The following ZNF407 variants were observed in gnomAD, a reference collection of about 807,000 sequenced individuals.
ZNF407 encodes zinc finger protein 407.
A neutral mutation model predicts 131.2 loss-of-function variants in ZNF407; 17 were observed. The observed-to-expected ratio is 0.13, with a 90% confidence interval of 0.09 to 0.19. The LOEUF is 0.19. Among genes scored for constraint, ZNF407 ranks in the 10% least tolerant of loss-of-function variants. The pLI is 1.00. For missense variants in ZNF407, 2,681 were observed against 2,830.6 expected (o/e 0.95, Z 1.20); for synonymous variants, 1,156 against 1,062.0 (o/e 1.09, Z -1.72).
intron 4 of ZNF407, among the ~76,000 whole-genome samples, chr18:74,830,055 C>G (rs1970461530): frequency 6.6e-6 from 1 of 152,074 alleles, no homozygotes; most frequent in South Asian, 2.1e-4. Flanking sequence ...GGAATGAGAA[C>G]AGAGAAAAGA....
chr18:75,013,935 G>T (rs1056242838), intron 8 of ZNF407, among the ~76,000 whole-genome samples: 3 of 152,042 alleles, frequency 2.0e-5, no homozygotes, highest in Admixed American at 2.0e-4. Flanking sequence ...CGCTTGAGTT[G>T]TGAGGAAATT....
intron 8 of ZNF407, among the ~76,000 whole-genome samples, chr18:74,938,351 A>G (rs1156325906): frequency 6.6e-6 from 1 of 152,180 alleles, no homozygotes; most frequent in African/African-American, 2.4e-5. Flanking sequence ...GACTTTCTGT[A>G]TCTGCTGCCT....
chr18:74,995,118 T>C (rs778401233), intron 8 of ZNF407, among the ~76,000 whole-genome samples: 6 of 152,212 alleles, frequency 3.9e-5, no homozygotes, highest in African/African-American at 1.2e-4. Flanking sequence ...ATGTTGCTAA[T>C]TGAATATTTA....
At chr18:74,600,144 ATGATTCT>A in intron 1 of ZNF407, among the ~76,000 whole-genome samples, 1 of 152,362 alleles carries the variant, frequency 6.6e-6, no homozygotes, top group East Asian at 1.9e-4. Flanking sequence ...AGTGCCATTC[ATGATTCT>A]TGGTTGTCAA....
chr18:75,029,565 C>CGGAGTGTGT (rs1648411468), intron 8 of ZNF407, among the ~76,000 whole-genome samples: 3 of 145,392 alleles, frequency 2.1e-5, no homozygotes, highest in African/African-American at 7.9e-5. Context: ...TCATTCAGGG[C>CGGAGTGTGT]GGAGTGTGTG....
chr18:74,935,856 C>G (rs1453662773), intron 8 of ZNF407, among the ~76,000 whole-genome samples: 1 of 152,156 alleles, frequency 6.6e-6, no homozygotes, highest in African/African-American at 2.4e-5. Flanking sequence ...TTAGAAGAGG[C>G]TGAATAATAC....
chr18:74,941,009 G>A (rs2930547), intron 8 of ZNF407, among the ~76,000 whole-genome samples: 7,177 of 152,130 alleles, frequency 0.047, 577 homozygotes, highest in African/African-American at 0.16. Context: ...TTAGCTCGGG[G>A]TGACCTAACA....
chr18:74,798,212 A>ACACG (rs1369694734), intron 4 of ZNF407, among the ~76,000 whole-genome samples: 1 of 150,476 alleles, frequency 6.6e-6, no homozygotes, highest in African/African-American at 2.5e-5. Context: ...TTACACAAAC[A>ACACG]CACACACACA....
At position 74,990,245 on chromosome 18, in the gene ZNF407, G is replaced by A. The variant is rs116890497; in HGVS notation, c.5428+69553G>A. 8.2e-3 allele frequency among the ~76,000 whole-genome samples: 1,243 copies of A among 152,208 alleles called. 7 individuals carry two copies. The highest frequency in any genetic ancestry group is 0.014 in the Non-Finnish European group (923 of 68,014). ...GCAGATGTCAATTAGTTCCTTCTGCGAATCTGATACCCATCAACAAATGGA... is the reference window on the plus strand; with the variant it reads ...GCAGATGTCAATTAGTTCCTTCTGCAAATCTGATACCCATCAACAAATGGA... On this transcript the variant is annotated intron_variant, in intron 8 of 8. Coordinates refer to ENST00000299687, the MANE Select transcript of ZNF407 (RefSeq NM_017757.3).
rs765176911 is a variant in ZNF407, at chr18:74,634,800, G to A, written c.3781G>A (p.Glu1261Lys). Residue 1261 changes from glutamate (E) to lysine (K), a missense_variant, in exon 2 of 9, where the codon GAA becomes AAA. Physicochemically the swap from Glu to Lys is moderately conservative, Grantham distance 56 (BLOSUM62 1). Transcript: ENST00000299687. ...GACGCTCGATGGGGAGCGCTCGGCT[G>A]AAAGCCCTGTGCTCGTTGTGACAAG... ...PVTLDGERSA[E>K]SPVLVVTRIT... 3 of 1,614,002 alleles carry A rather than the reference G, an allele frequency of 1.9e-6. No individual in the cohort carries two copies. The highest frequency in any genetic ancestry group is 2.5e-6 in the Non-Finnish European group (3 of 1,179,892).
In ZNF407 at chr18:74,792,204, T is replaced by G. The variant is rs1251122252; in HGVS notation, c.4877+10702T>G. On this transcript the variant is annotated intron_variant, in intron 4 of 8. Coordinates refer to ENST00000299687, the MANE Select transcript of ZNF407 (RefSeq NM_017757.3). ...AGATACTAATTTTTTAAAAAAACAT[T>G]CAAGAGCTTTTTAGTTGTGAAGGTC... 2.6e-5 allele frequency among the ~76,000 whole-genome samples: 4 copies of G among 152,084 alleles called. No individual in the cohort carries two copies. In the South Asian group the frequency reaches 6.2e-4, roughly 24 times the overall value.
rs1377699188 is a variant in ZNF407, at chr18:74,703,671, C to A, written c.4802+62549C>A. ...GTGAGCCACCGTGCCCAGCCTAGAT[C>A]TCTTTTATGGGCTATGAGATTGATT... On this transcript the variant is annotated intron_variant, in intron 3 of 8. Transcript: ENST00000299687. This position sits in a 1 kb window ranked among gnomAD's most constrained non-coding sequence, Gnocchi z 4.1. Among the ~76,000 whole-genome samples the A allele has an allele frequency of 1.3e-5, 2 of 151,982 alleles. No homozygotes were observed. The highest frequency in any genetic ancestry group is 2.4e-5 in the African/African-American group (1 of 41,388).
chr18:74,748,455 C>T (rs1014746145), intron 3 of ZNF407, among the ~76,000 whole-genome samples: 4 of 152,022 alleles, frequency 2.6e-5, no homozygotes, highest in African/African-American at 9.7e-5. Context: ...TTAAAATTAG[C>T]TGACATATCA....
intron 7 of ZNF407, among the ~76,000 whole-genome samples, chr18:74,913,410 A>G (rs548130482): frequency 2.0e-5 from 3 of 152,196 alleles, no homozygotes; most frequent in South Asian, 2.1e-4. Context: ...GAGTAGAGAC[A>G]TGTAGGGGAG....
At chr18:74,939,537 C>T (rs1228515149) in intron 8 of ZNF407, among the ~76,000 whole-genome samples, 1 of 152,160 alleles carries the variant, frequency 6.6e-6, no homozygotes, top group Non-Finnish European at 1.5e-5. Context: ...ATTTAAAATG[C>T]AGATTACCAA....
intron 3 of ZNF407, among the ~76,000 whole-genome samples, chr18:74,700,244 A>T (rs1425487666): frequency 6.6e-6 from 1 of 152,230 alleles, no homozygotes; most frequent in African/African-American, 2.4e-5. Flanking sequence ...TTTAAAATAC[A>T]TTAGTATACC....
At chr18:74,802,835 CAAGTT>C (rs1568222782) in intron 4 of ZNF407, among the ~76,000 whole-genome samples, 1 of 152,072 alleles carries the variant, frequency 6.6e-6, no homozygotes, top group Non-Finnish European at 1.5e-5. Flanking sequence ...AATACATTGT[CAAGTT>C]AAGATTAATG....
At position 74,997,648 on chromosome 18, in the gene ZNF407, C is replaced by T. The variant is rs138403147; in HGVS notation, c.5429-65502C>T. ...CCTCTGCACTTTGGAATGTTGGGGACAGAGCTGTTTCCTTCAGACTCATTA... is the reference window on the plus strand; with the variant it reads ...CCTCTGCACTTTGGAATGTTGGGGATAGAGCTGTTTCCTTCAGACTCATTA... On this transcript the variant is annotated intron_variant, in intron 8 of 8. Transcript: ENST00000299687. Among the ~76,000 whole-genome samples, 16 of 152,178 alleles carry T rather than the reference C, an allele frequency of 1.1e-4. No homozygotes were observed. In the East Asian group the frequency reaches 2.9e-3, roughly 28 times the overall value.
At chr18:74,786,888 C>G (rs1197285475) in intron 4 of ZNF407, among the ~76,000 whole-genome samples, 3 of 141,948 alleles carry the variant, frequency 2.1e-5, no homozygotes, top group Non-Finnish European at 4.5e-5. Context: ...TCACTGTGAC[C>G]TCCGCCTCCC....
Sources: gnomAD v4.1 joint callset for allele counts (sites outside exome capture counted in the v4.1 genomes callset) on GRCh38, gnomAD v4.1.1 for gene constraint, Gnocchi (gnomAD v3.1) non-coding constraint, MANE v1.5 for transcripts, NCBI Gene and HGNC (gene_info 2026-07-23, HGNC 2026-07-21) for gene names.